The following GJC1 variants were observed in gnomAD, a reference collection of about 807,000 sequenced individuals.
The protein encoded by GJC1 is gap junction gamma-1 protein.
Under a neutral mutation model 29.3 loss-of-function variants are expected in GJC1, and 5 were observed. The observed-to-expected ratio is 0.17, with a 90% CI of 0.09 to 0.36. The LOEUF (loss-of-function observed/expected upper bound fraction) is 0.36, where lower values mean the gene tolerates loss of function less well. Among genes scored for constraint, GJC1 ranks in the 10% least tolerant of loss-of-function variants. The probability of loss-of-function intolerance (pLI) is 1.00; values close to 1 mark genes in which losing one functional copy is unlikely to be tolerated. For synonymous variants in GJC1, 177 were observed against 183.3 expected, an observed-to-expected ratio of 0.97 and a Z score of 0.28; for missense variants, 310 against 496.2, an observed-to-expected ratio of 0.62 and a Z score of 3.56.
In GJC1 at chr17:44,799,589, G is replaced by C. The variant is rs899265591; in HGVS notation, c.*5038C>G. 58 of 151,720 alleles carry C rather than the reference G, an allele frequency of 3.8e-4. No individual in the cohort carries two copies. The highest frequency in any genetic ancestry group is 1.3e-3 in the African/African-American group (52 of 41,312). The allele number at this position is 151,720 out of a possible 1,614,324, so 9.4% of individuals were successfully genotyped here. A position where few individuals can be genotyped will look rare whatever the true frequency, so the allele number is the denominator to read the frequency against. ...AAAAAAAAGTACGATTATTAACACT[G>C]ATTAATAACACATGAACCAAACCCA... is the stretch of plus-strand genomic sequence containing the variant. On this transcript the variant is annotated 3_prime_UTR_variant, in exon 3 of 3. Coordinates refer to ENST00000592524, the MANE Select transcript of GJC1 (RefSeq NM_005497.4).
rs954340159 is a variant in GJC1 at position 44,803,520 on chromosome 17, A to C, written c.*1107T>G. The C allele has an allele frequency of 2.6e-4, 39 of 152,266 alleles. No individual in the cohort carries two copies. The highest frequency in any genetic ancestry group is 9.4e-4 in the African/African-American group (39 of 41,474). The allele number at this position is 152,266 out of a possible 1,614,324, so 9.4% of individuals were successfully genotyped here. A position where few individuals can be genotyped will look rare whatever the true frequency, so the allele number is the denominator to read the frequency against. On this transcript the variant is annotated 3_prime_UTR_variant, in exon 3 of 3. Coordinates refer to ENST00000592524, the MANE Select transcript of GJC1 (RefSeq NM_005497.4). The stretch of plus-strand genomic sequence containing the variant: ...CACTGGCAGAAGTAAGAATTTAATC[A>C]CAAAACTTCTATGGTAAATTATAAA...
rs200856893 is a variant in GJC1, at chr17:44,816,283, CA to C, written c.-96-8815del. Among the ~76,000 whole-genome samples, 11 of 151,956 alleles carry C rather than the reference CA, an allele frequency of 7.2e-5. No homozygotes were observed. The East Asian group carries it at 1.9e-3, about 27-fold the overall frequency. On this transcript the variant is annotated intron_variant, in intron 1 of 2. Transcript: ENST00000592524. ...TATATAACATTTATTAGACAGAAAC[CA>C]AATGTGCTATTTTTAGTCTATTTTC...
At chr17:44,823,304 T>G (rs1282059530) in intron 1 of GJC1, among the ~76,000 whole-genome samples, 3 of 148,164 alleles carry the variant, frequency 2.0e-5, no homozygotes, top group Non-Finnish European at 3.0e-5. Flanking sequence ...CAGGCTTCAG[T>G]GCAGTGGTGT....
intron 1 of GJC1, among the ~76,000 whole-genome samples, chr17:44,810,025 T>A (rs76045311): frequency 6.8e-6 from 1 of 147,486 alleles, no homozygotes; most frequent in Non-Finnish European, 1.5e-5. Context: ...CGCTTGGCTA[T>A]TTTTTTTTTG....
chr17:44,826,522 T>A (rs2050178897), intron 1 of GJC1, among the ~76,000 whole-genome samples: 1 of 145,904 alleles, frequency 6.9e-6, no homozygotes, highest in Non-Finnish European at 1.5e-5. Context: ...GGAGCGAGAC[T>A]CCGTCTAAAA....
rs1202736999 is a variant in GJC1 at position 44,799,372 on chromosome 17, A to G, written c.*5255T>C. 1 of 151,090 alleles carries G rather than the reference A, an allele frequency of 6.6e-6. No individual in the cohort carries two copies. The highest frequency in any genetic ancestry group is 2.4e-5 in the African/African-American group (1 of 41,036). 9.4% of individuals were successfully genotyped at this position (151,090 alleles called of 1,614,324 possible). ...AGGTGTGCACCACCATGCCCGGCTA[A>G]TTTTTGTATTTTTAGTAGAGAGGGG... On this transcript the variant is annotated 3_prime_UTR_variant, in exon 3 of 3. Coordinates refer to ENST00000592524, the MANE Select transcript of GJC1 (RefSeq NM_005497.4).
At chr17:44,823,736 G>A (rs1238117556) in intron 1 of GJC1, among the ~76,000 whole-genome samples, 2 of 150,560 alleles carry the variant, frequency 1.3e-5, no homozygotes, top group Non-Finnish European at 3.0e-5. Flanking sequence ...TTTTGAGATG[G>A]AGTCTTGTTC....
Position 44,799,366 on chromosome 17 carries a change from C to A in GJC1, c.*5261G>T, listed in dbSNP as rs143556874. The A allele has an allele frequency of 6.6e-6, 1 of 151,730 alleles. No individual in the cohort carries two copies. The highest frequency in any genetic ancestry group is 2.4e-5 in the African/African-American group (1 of 41,260). 9.4% of individuals were successfully genotyped at this position (151,730 alleles called of 1,614,324 possible). On this transcript the variant is annotated 3_prime_UTR_variant, in exon 3 of 3. Coordinates refer to ENST00000592524, the MANE Select transcript of GJC1 (RefSeq NM_005497.4). ...GATTACAGGTGTGCACCACCATGCC[C>A]GGCTAATTTTTGTATTTTTAGTAGA...
chr17:44,825,781 A>C (rs954836978), intron 1 of GJC1, among the ~76,000 whole-genome samples: 7 of 56,302 alleles, frequency 1.2e-4, no homozygotes, highest in African/African-American at 3.6e-4. Context: ...TCTCAAAAGA[A>C]AAAAAAAAAA....
chr17:44,803,124 T>C lies in GJC1; in HGVS notation c.*1503A>G, dbSNP rs1426625243. 2 of 152,146 alleles carry C rather than the reference T, an allele frequency of 1.3e-5. No individual in the cohort carries two copies. Among genetic ancestry groups the C allele is most frequent in the Non-Finnish European group, 2.9e-5 (2 of 68,038 alleles). 9.4% of individuals were successfully genotyped at this position (152,146 alleles called of 1,614,324 possible). On this transcript the variant is annotated 3_prime_UTR_variant, in exon 3 of 3. Transcript: ENST00000592524. ...ATCTAAATAATGGAGAACTGGCATT[T>C]TACAATTAAGATATAAAAAATATTC...
At chr17:44,818,217 A>AAAAC (rs1190288488) in intron 1 of GJC1, among the ~76,000 whole-genome samples, 2 of 152,128 alleles carry the variant, frequency 1.3e-5, no homozygotes, top group African/African-American at 4.8e-5. Flanking sequence ...CTGTCTCAAA[A>AAAAC]AAACAAACAA....
In GJC1 at chr17:44,798,721, A is replaced by G. The variant is rs909092748; in HGVS notation, c.*5906T>C. ...AGTCCTAGCTAAGTTTTCAATATCA[A>G]TATGCTACCCATGTCATAACACTTA... is the stretch of plus-strand genomic sequence containing the variant. On this transcript the variant is annotated 3_prime_UTR_variant, in exon 3 of 3. Transcript: ENST00000592524. The G allele has an allele frequency of 6.6e-6, 1 of 152,222 alleles. No individual in the cohort carries two copies. Among genetic ancestry groups the G allele is most frequent in the Admixed American group, 6.5e-5 (1 of 15,276 alleles). 9.4% of individuals were successfully genotyped at this position (152,222 alleles called of 1,614,324 possible).
chr17:44,824,139 T>C (rs752189717), intron 1 of GJC1, among the ~76,000 whole-genome samples: 9 of 151,652 alleles, frequency 5.9e-5, no homozygotes, highest in Non-Finnish European at 1.3e-4. Context: ...TCCAGAGTAG[T>C]TGGGATTACA....
intron 1 of GJC1, among the ~76,000 whole-genome samples, chr17:44,826,356 C>G (rs996197291): frequency 3.9e-5 from 6 of 151,972 alleles, no homozygotes; most frequent in African/African-American, 1.4e-4. Context: ...CACGATGAAA[C>G]AGTCTCTACT....
rs944169752 is a variant in GJC1, at chr17:44,802,484, G to A, written c.*2143C>T. The A allele has an allele frequency of 4.6e-5, 7 of 152,118 alleles. No individual in the cohort carries two copies. The highest frequency in any genetic ancestry group is 1.7e-4 in the African/African-American group (7 of 41,404). The allele number at this position is 152,118 out of a possible 1,614,324, so 9.4% of individuals were successfully genotyped here. A position where few individuals can be genotyped will look rare whatever the true frequency, so the allele number is the denominator to read the frequency against. ...TTTGCCTGTTTTCTTGGAATTATAT[G>A]AATTTCCTTATTAAACATTTGATTT... On this transcript the variant is annotated 3_prime_UTR_variant, in exon 3 of 3. Transcript: ENST00000592524.
chr17:44,829,301 C>T lies in GJC1; in HGVS notation c.-97+761G>A, dbSNP rs73307268. On this transcript the variant is annotated intron_variant, in intron 1 of 2. Coordinates refer to ENST00000592524, the MANE Select transcript of GJC1 (RefSeq NM_005497.4). ...TTCAACTCAGAGCTCCAAACGCAGC[C>T]GCCAACCACACAACTGCCCACAATC... Among the ~76,000 whole-genome samples the T allele has an allele frequency of 6.4e-3, 978 of 152,188 alleles. 10 individuals are homozygous for T. Among genetic ancestry groups the T allele is most frequent in the African/African-American group, 0.022 (926 of 41,512 alleles).
Position 44,809,864 on chromosome 17 carries a change from G to A in GJC1, c.-96-2395C>T, listed in dbSNP as rs1597745723. 2.0e-5 allele frequency among the ~76,000 whole-genome samples: 3 copies of A among 147,706 alleles called. No individual in the cohort carries two copies. The East Asian group carries it at 6.1e-4, about 30-fold the overall frequency. On this transcript the variant is annotated intron_variant, in intron 1 of 2. Transcript: ENST00000592524. ...TTACAGGCGTGAGCCACCACGCCCA[G>A]CCTTTTTTTTTTTCCAGACAGTCTC... is the stretch of plus-strand genomic sequence containing the variant.
In GJC1 at chr17:44,801,294, A is replaced by C. The variant is rs959903853; in HGVS notation, c.*3333T>G. 2 of 152,186 alleles carry C rather than the reference A, an allele frequency of 1.3e-5. No homozygotes were observed. Among genetic ancestry groups the C allele is most frequent in the Non-Finnish European group, 2.9e-5 (2 of 68,044 alleles). The allele number at this position is 152,186 out of a possible 1,614,324, so 9.4% of individuals were successfully genotyped here. A position where few individuals can be genotyped will look rare whatever the true frequency, so the allele number is the denominator to read the frequency against. ...AGCAAGACTCTGTCTTAAGAAAAAA[A>C]AGAGCAAAGGACACACCACATCTGC... is the stretch of plus-strand genomic sequence containing the variant. On this transcript the variant is annotated 3_prime_UTR_variant, in exon 3 of 3. Transcript: ENST00000592524.
intron 1 of GJC1, among the ~76,000 whole-genome samples, chr17:44,824,374 C>T (rs1420500588): frequency 2.0e-5 from 3 of 152,092 alleles, no homozygotes; most frequent in African/African-American, 7.2e-5. Context: ...TCACAACTCA[C>T]TGTAGCCTTC....
Sources: gnomAD v4.1 joint callset for allele counts (sites outside exome capture counted in the v4.1 genomes callset) on GRCh38, gnomAD v4.1.1 for gene constraint, MANE v1.5 for transcripts, NCBI Gene and HGNC (gene_info 2026-07-23, HGNC 2026-07-21) for gene names.